ATP2B2: variants seen among roughly 807,000 people sequenced by gnomAD.
The protein encoded by ATP2B2 is plasma membrane calcium-transporting ATPase 2.
ATP2B2 carries 15 observed loss-of-function variants against 120.0 expected under a neutral mutation model. That is an observed-to-expected ratio of 0.12 (90% confidence interval 0.08 to 0.19). The LOEUF (loss-of-function observed/expected upper bound fraction) is 0.19, where lower values mean the gene tolerates loss of function less well. ATP2B2 is among the 10% of genes least tolerant of loss of function. The probability of loss-of-function intolerance (pLI) is 1.00; values close to 1 mark genes in which losing one functional copy is unlikely to be tolerated. For missense variants in ATP2B2, 1,045 were observed against 1,719.8 expected (o/e 0.61, Z 6.94); for synonymous variants, 694 against 700.3 (o/e 0.99, Z 0.14).
intron 1 of ATP2B2, among the ~76,000 whole-genome samples, chr3:10,705,189 C>T (rs998295415): frequency 1.3e-5 from 2 of 152,190 alleles, no homozygotes; most frequent in African/African-American, 4.8e-5. Flanking sequence ...ACAGAACAGT[C>T]AAATCTTCCA....
intron 14 of ATP2B2, among the ~76,000 whole-genome samples, chr3:10,355,824 A>AG (rs2060703353): frequency 1.2e-4 from 3 of 25,464 alleles, no homozygotes; most frequent in Non-Finnish European, 2.3e-4. Flanking sequence ...CTGTAATCCC[A>AG]GCACTTTGGG....
intron 1 of ATP2B2, among the ~76,000 whole-genome samples, chr3:10,663,596 C>T (rs2070846713): frequency 6.6e-6 from 1 of 152,136 alleles, no homozygotes; most frequent in Non-Finnish European, 1.5e-5. Flanking sequence ...TTTTGGTTCT[C>T]TGCAGGTACT....
chr3:10,428,147 C>T (rs1039502809), intron 2 of ATP2B2, among the ~76,000 whole-genome samples: 16 of 152,170 alleles, frequency 1.1e-4, no homozygotes, highest in Non-Finnish European at 1.5e-5. Flanking sequence ...GCATGTTAAC[C>T]TCCAGGTGCC....
intron 1 of ATP2B2, among the ~76,000 whole-genome samples, chr3:10,627,173 G>C (rs1313248805): frequency 3.3e-5 from 5 of 152,236 alleles, no homozygotes; most frequent in Non-Finnish European, 7.3e-5. Flanking sequence ...GTGGATGGCA[G>C]GTTCTGAATC....
intron 1 of ATP2B2, among the ~76,000 whole-genome samples, chr3:10,472,981 C>T (rs752638171): frequency 6.6e-6 from 1 of 152,154 alleles, no homozygotes; most frequent in African/African-American, 2.4e-5. Flanking sequence ...GTTGTTGAAC[C>T]AAGATCTGAT....
In ATP2B2 at chr3:10,424,033, A is replaced by G. The variant is rs567821850; in HGVS notation, c.200-13218T>C. ...GCTGGTGTCTTCTCACTGTTCTGTG[A>G]TCTCAAGTGGCTCCTTCAATGATGC... On this transcript the variant is annotated intron_variant, in intron 2 of 22. Transcript: ENST00000360273. Among the ~76,000 whole-genome samples the G allele has an allele frequency of 4.6e-5, 7 of 152,198 alleles. 2 individuals carry two copies. In the East Asian group the frequency reaches 1.4e-3, roughly 29 times the overall value.
chr3:10,328,592 G>C lies in ATP2B2; in HGVS notation c.*222C>G, dbSNP rs2059901885. On this transcript the variant is annotated 3_prime_UTR_variant, in exon 23 of 23. Coordinates refer to ENST00000360273, the MANE Select transcript of ATP2B2 (RefSeq NM_001001331.4). ...AACCGCTCACTCCCGTAAGCCCCCAGTGGAGATCCCGCCCCTTGCCTTGAA... is the reference window on the plus strand; with the variant it reads ...AACCGCTCACTCCCGTAAGCCCCCACTGGAGATCCCGCCCCTTGCCTTGAA... 2 of 592,208 alleles carry C rather than the reference G, an allele frequency of 3.4e-6. No homozygotes were observed. The highest frequency in any genetic ancestry group is 4.2e-5 in the South Asian group (2 of 47,110). The allele number at this position is 592,208 out of a possible 1,614,324, so 36.7% of individuals were successfully genotyped here.
At chr3:10,464,503 C>A (rs1405005581) in intron 1 of ATP2B2, among the ~76,000 whole-genome samples, 1 of 152,144 alleles carries the variant, frequency 6.6e-6, no homozygotes, top group Non-Finnish European at 1.5e-5. Flanking sequence ...TAGCTCCACA[C>A]CATAGCATGA....
intron 2 of ATP2B2, among the ~76,000 whole-genome samples, chr3:10,417,590 C>T (rs2062834102): frequency 6.6e-6 from 1 of 152,164 alleles, no homozygotes; most frequent in Non-Finnish European, 1.5e-5. Flanking sequence ...AGAAAAGGTA[C>T]CTAGGGTCAT....
chr3:10,607,468 G>A (rs1056790897), intron 2 of ATP2B2, among the ~76,000 whole-genome samples: 41 of 152,290 alleles, frequency 2.7e-4, no homozygotes, highest in African/African-American at 8.9e-4. Context: ...GGTCAGTGGT[G>A]AGCCAAGGCA....
At chr3:10,382,475 T>G (rs2061559191) in intron 8 of ATP2B2, among the ~76,000 whole-genome samples, 1 of 151,810 alleles carries the variant, frequency 6.6e-6, no homozygotes, top group Non-Finnish European at 1.5e-5. Flanking sequence ...TCCTCCTAAG[T>G]AGCTGGGATT....
chr3:10,559,445 C>T (rs144019520), intron 2 of ATP2B2, among the ~76,000 whole-genome samples: 1 of 152,244 alleles, frequency 6.6e-6, no homozygotes, highest in African/African-American at 2.4e-5. Context: ...ATGCTAATTA[C>T]CCTGATCTGC....
chr3:10,691,236 T>C (rs1028484221), intron 1 of ATP2B2, among the ~76,000 whole-genome samples: 9 of 152,200 alleles, frequency 5.9e-5, no homozygotes, highest in African/African-American at 2.2e-4. Context: ...TAGGAATAAC[T>C]CTACATCTCT....
At chr3:10,471,145 C>T (rs767323133) in intron 1 of ATP2B2, among the ~76,000 whole-genome samples, 7 of 152,228 alleles carry the variant, frequency 4.6e-5, no homozygotes, top group African/African-American at 9.6e-5. Flanking sequence ...AGCAGCCACA[C>T]GCAGCAGGGA....
intron 1 of ATP2B2, among the ~76,000 whole-genome samples, chr3:10,465,172 A>T (rs2064683189): frequency 6.6e-6 from 1 of 152,216 alleles, no homozygotes; most frequent in African/African-American, 2.4e-5. Context: ...AGTAGGTTCA[A>T]GTCCTGCCCA....
At chr3:10,336,005 C>A in intron 22 of ATP2B2, 1 of 1,194,470 alleles carries the variant, frequency 8.4e-7, no homozygotes. Flanking sequence ...GTGGCTGGGA[C>A]CCTTCATCCC....
intron 1 of ATP2B2, among the ~76,000 whole-genome samples, chr3:10,640,450 C>G (rs9310369): frequency 0.32 from 48,525 of 152,082 alleles, 11,809 homozygotes; most frequent in African/African-American, 0.68. Flanking sequence ...GCAACAAGGG[C>G]AAGGCACTGG....
chr3:10,536,253 T>C (rs2067312486), intron 2 of ATP2B2, among the ~76,000 whole-genome samples: 1 of 152,188 alleles, frequency 6.6e-6, no homozygotes, highest in Non-Finnish European at 1.5e-5. Context: ...ATATGTTAGA[T>C]ACCAGTACCT....
chr3:10,363,630 A>C (rs372652130), intron 12 of ATP2B2, among the ~76,000 whole-genome samples: 7 of 152,294 alleles, frequency 4.6e-5, no homozygotes, highest in Non-Finnish European at 8.8e-5. Flanking sequence ...TTGAAGAGCT[A>C]CACGTTACGG....
Sources: allele counts gnomAD v4.1 joint callset (sites outside exome capture counted in the v4.1 genomes callset), GRCh38; gene constraint gnomAD v4.1.1; transcripts MANE v1.5; gene names NCBI Gene and HGNC (gene_info 2026-07-23, HGNC 2026-07-21).